The following CHD3 variants were observed in gnomAD, a reference collection of about 807,000 sequenced individuals.
CHD3 encodes chromodomain helicase DNA binding protein 3, also known as ATP-dependent chromatin remodeler CHD3.
In CHD3, 52 loss-of-function variants were observed where a neutral mutation model predicts 248.9. The observed-to-expected ratio is 0.21, with a 90% confidence interval of 0.17 to 0.26. The LOEUF (loss-of-function observed/expected upper bound fraction) is 0.26, where lower values mean the gene tolerates loss of function less well. Among genes scored for constraint, CHD3 ranks in the 10% least tolerant of loss-of-function variants. The pLI is 1.00. For missense variants in CHD3, 1,482 were observed against 2,605.8 expected (o/e 0.57, Z 9.39); for synonymous variants, 985 against 985.2 (o/e 1.00, Z 0.00).
At position 7,889,024 on chromosome 17, in the gene CHD3, C is replaced by G. The variant is rs1968428121; in HGVS notation, c.24C>G (p.Ile8Met). MKAADTV[I>M]LWARSKNDQL... ...TGATGAAGGCGGCAGACACTGTGATCCTGTGGGCAAGAAGTAAAAATGACC... is the reference window on the plus strand; with the variant it reads ...TGATGAAGGCGGCAGACACTGTGATGCTGTGGGCAAGAAGTAAAAATGACC... The change falls in exon 1 of 40, where the codon ATC becomes ATG. Residue 8 changes from isoleucine (I) to methionine (M), a missense_variant. By Grantham distance (10) the Ile-to-Met change is conservative. This residue lies in a region of CHD3 where 169 missense variants were observed against 168.1 expected (regional missense o/e 1.01). Coordinates refer to ENST00000330494, the MANE Select transcript of CHD3 (RefSeq NM_001005273.3). The surrounding 1 kb of genome is among the most constrained non-coding windows in gnomAD (Gnocchi z 4.5). The G allele has an allele frequency of 6.2e-7, 1 of 1,614,216 alleles. No homozygotes were observed. Among genetic ancestry groups the G allele is most frequent in the African/African-American group, 1.3e-5 (1 of 75,048 alleles).
chr17:7,904,766 T>A lies in CHD3; in HGVS notation c.4072+147T>A. ...AGGGAAAGACATAAGGTAGAGTCAT[T>A]AGGAACTACCCAGAGGCCAGGTGGG... On this transcript the variant is annotated intron_variant, in intron 25 of 39. Transcript: ENST00000330494. This position sits in a 1 kb window ranked among gnomAD's most constrained non-coding sequence, Gnocchi z 4.4. 2.4e-6 allele frequency: 2 copies of A among 834,484 alleles called. No individual in the cohort carries two copies. Among genetic ancestry groups the A allele is most frequent in the Non-Finnish European group, 3.7e-6 (2 of 546,550 alleles). 51.7% of individuals were successfully genotyped at this position (834,484 alleles called of 1,614,324 possible). A position where few individuals can be genotyped will look rare whatever the true frequency, so the allele number is the denominator to read the frequency against.
chr17:7,896,469 G>A (rs1436557868), intron 10 of CHD3, among the ~76,000 whole-genome samples: 1 of 148,508 alleles, frequency 6.7e-6, no homozygotes, highest in South Asian at 2.1e-4. Context: ...GCAGTGGCAC[G>A]ATCTTGGCTT....
Position 7,911,813 on chromosome 17 carries a change from GA to G in CHD3, c.*230del. ...GCCTTGAAGACTGTGCTGGTGAGAA[GA>G]AGTCTGGGTGGGAGATGGCTGGCAG... On this transcript the variant is annotated 3_prime_UTR_variant, in exon 40 of 40. Transcript: ENST00000330494. The surrounding 1 kb of genome is among the most constrained non-coding windows in gnomAD (Gnocchi z 5.4). 1 of 1,369,410 alleles carries G rather than the reference GA, an allele frequency of 7.3e-7. No individual in the cohort carries two copies. The highest frequency in any genetic ancestry group is 9.7e-7 in the Non-Finnish European group (1 of 1,027,364). 84.8% of individuals were successfully genotyped at this position (1,369,410 alleles called of 1,614,324 possible).
In CHD3 at chr17:7,909,479, C is replaced by A; in HGVS notation, c.5590+141C>A. The A allele has an allele frequency of 1.6e-6, 2 of 1,218,304 alleles. No homozygotes were observed. The highest frequency in any genetic ancestry group is 2.2e-6 in the Non-Finnish European group (2 of 905,836). The allele number at this position is 1,218,304 out of a possible 1,614,324, so 75.5% of individuals were successfully genotyped here. ...CTCTGACCTCTAACCCCACTCCTACCGACCTGGCACCCCCTTGGATTTTAG... is the reference window on the plus strand; with the variant it reads ...CTCTGACCTCTAACCCCACTCCTACAGACCTGGCACCCCCTTGGATTTTAG... On this transcript the variant is annotated intron_variant, in intron 37 of 39. Transcript: ENST00000330494. This position sits in a 1 kb window ranked among gnomAD's most constrained non-coding sequence, Gnocchi z 8.1.
At chr17:7,885,213 C>T, upstream of CHD3, 2 of 875,494 alleles carry the variant, frequency 2.3e-6, no homozygotes, top group Non-Finnish European at 2.7e-6. Context: ...GGGGCTCGGG[C>T]CCGTGGCCCC....
rs956786637 is a variant in CHD3, at chr17:7,900,672, T to C, written c.2919T>C (p.Phe973=). ...TGCGGAGACTCAAGGCAGATGTCTT[T>C]AAGAACATGCCAGCCAAGACAGAGC... ...HMLRRLKADV[F]KNMPAKTELI... is the part of the protein sequence containing the mutation. Residue 973 remains phenylalanine, a synonymous_variant, in exon 18 of 40, where the codon TTT becomes TTC. Transcript: ENST00000330494. The surrounding 1 kb of genome is among the most constrained non-coding windows in gnomAD (Gnocchi z 6.5). The C allele has an allele frequency of 6.2e-7, 1 of 1,614,098 alleles. No homozygotes were observed. The highest frequency in any genetic ancestry group is 8.5e-7 in the Non-Finnish European group (1 of 1,180,016).
chr17:7,889,851 C>A lies in CHD3; in HGVS notation c.213+75C>A. 7.2e-7 allele frequency: 1 copy of A among 1,391,118 alleles called. No individual in the cohort carries two copies. Among genetic ancestry groups the A allele is most frequent in the Non-Finnish European group, 1.0e-6 (1 of 1,001,938 alleles). 86.2% of individuals were successfully genotyped at this position (1,391,118 alleles called of 1,614,324 possible). A position where few individuals can be genotyped will look rare whatever the true frequency, so the allele number is the denominator to read the frequency against. On this transcript the variant is annotated intron_variant, in intron 2 of 39. Coordinates refer to ENST00000330494, the MANE Select transcript of CHD3 (RefSeq NM_001005273.3). The surrounding 1 kb of genome is among the most constrained non-coding windows in gnomAD (Gnocchi z 4.5). Reference sequence around the variant, plus strand: ...CTCAGAGACCTACATTTTCTCTGGTCCTGATTACTGGTGTGGGGGTGGGGT... The same window carrying A: ...CTCAGAGACCTACATTTTCTCTGGTACTGATTACTGGTGTGGGGGTGGGGT...
rs952251817 is a variant in CHD3, at chr17:7,889,334, G to A, written c.100+234G>A. ...CAGGATGCCAGCTGGCGAAGTGAGG[G>A]GGAAGGCAGGAGGAGCCCTGGCGGT... is the stretch of plus-strand genomic sequence containing the variant. On this transcript the variant is annotated intron_variant, in intron 1 of 39. Coordinates refer to ENST00000330494, the MANE Select transcript of CHD3 (RefSeq NM_001005273.3). This position sits in a 1 kb window ranked among gnomAD's most constrained non-coding sequence, Gnocchi z 4.5. Among the ~76,000 whole-genome samples, 3 of 152,268 alleles carry A rather than the reference G, an allele frequency of 2.0e-5. No individual in the cohort carries two copies. Among genetic ancestry groups the A allele is most frequent in the African/African-American group, 7.2e-5 (3 of 41,476 alleles).
chr17:7,901,045 G>C (rs896188343), intron 19 of CHD3, 52 bp downstream of exon 19: 16 of 1,592,466 alleles, frequency 1.0e-5, no homozygotes, highest in African/African-American at 1.3e-5. Context: ...AGAAAACATG[G>C]GTGGGGAGTA....
upstream of CHD3, chr17:7,888,721 G>C (rs1312757954): frequency 1.1e-6 from 1 of 871,686 alleles, no homozygotes; most frequent in South Asian, 2.4e-5. Flanking sequence ...AGTGTGTGTG[G>C]GTGTGGGTGC....
At chr17:7,890,885 G>A (rs1185400382) in intron 3 of CHD3, 55 bp from the exon 4 acceptor site, 4 of 1,609,734 alleles carry the variant, frequency 2.5e-6, no homozygotes, top group African/African-American at 2.7e-5. Context: ...GCCTGTGTGC[G>A]GCCTGGAATA....
chr17:7,904,855 C>A lies in CHD3; in HGVS notation c.4072+236C>A, dbSNP rs1352975506. 6.6e-6 allele frequency among the ~76,000 whole-genome samples: 1 copy of A among 152,108 alleles called. No individual in the cohort carries two copies. On this transcript the variant is annotated intron_variant, in intron 25 of 39. Transcript: ENST00000330494. The surrounding 1 kb of genome is among the most constrained non-coding windows in gnomAD (Gnocchi z 4.4). ...ATCCTGTGGACACCCAGGGCCATTG[C>A]TTAGAGTAGGTTTTGCAGGAGAAGC...
chr17:7,898,355 G>T, intron 12 of CHD3, 141 bp from the exon 13 acceptor site: 1 of 740,634 alleles, frequency 1.4e-6, no homozygotes. Flanking sequence ...AATCCAAAGG[G>T]CAAGGGTAAA....
rs1040286637 is a variant in CHD3, at chr17:7,911,279, A to G, written c.5882-185A>G. Among the ~76,000 whole-genome samples, 2 of 152,198 alleles carry G rather than the reference A, an allele frequency of 1.3e-5. No homozygotes were observed. The highest frequency in any genetic ancestry group is 1.3e-4 in the Admixed American group (2 of 15,286). On this transcript the variant is annotated intron_variant, in intron 39 of 39. Transcript: ENST00000330494. The surrounding 1 kb of genome is among the most constrained non-coding windows in gnomAD (Gnocchi z 5.4). ...ACCCGAGGGGTTAGAGAGTGGGAAC[A>G]TGTGTTCAATCATGTAGCACAAAGT...
At position 7,911,763 on chromosome 17, in the gene CHD3, C is replaced by T. The variant is rs1235114656; in HGVS notation, c.*178C>T. ...TCAAGAAGGGCCCTTTGTCTTTCTC[C>T]ACTCCCACACACCTTTCCCACCAAG... On this transcript the variant is annotated 3_prime_UTR_variant, in exon 40 of 40. Transcript: ENST00000330494. The surrounding 1 kb of genome is among the most constrained non-coding windows in gnomAD (Gnocchi z 5.4). 2 of 1,510,232 alleles carry T rather than the reference C, an allele frequency of 1.3e-6. No homozygotes were observed. The highest frequency in any genetic ancestry group is 1.4e-5 in the African/African-American group (1 of 72,090). 93.6% of individuals were successfully genotyped at this position (1,510,232 alleles called of 1,614,324 possible). A position where few individuals can be genotyped will look rare whatever the true frequency, so the allele number is the denominator to read the frequency against.
Position 7,906,492 on chromosome 17 carries a change from T to G in CHD3, c.4359-61T>G. On this transcript the variant is annotated intron_variant, in intron 28 of 39. Coordinates refer to ENST00000330494, the MANE Select transcript of CHD3 (RefSeq NM_001005273.3). The surrounding 1 kb of genome is among the most constrained non-coding windows in gnomAD (Gnocchi z 5.0). ...GTCCTCAGTCATCCTCGCGCCTCCC[T>G]CACTGCCCTATACCCCTTCTGTGGC... is the stretch of plus-strand genomic sequence containing the variant. 1 of 1,585,344 alleles carries G rather than the reference T, an allele frequency of 6.3e-7. No individual in the cohort carries two copies. Among genetic ancestry groups the G allele is most frequent in the Non-Finnish European group, 8.6e-7 (1 of 1,160,018 alleles).
rs1258492340 is a variant in CHD3 at position 7,911,146 on chromosome 17, C to T, written c.5881+173C>T. ...CCCCCACCCATCCCTTTCTTAACCC[C>T]TCTTCAGTCCCCTTTATTAAAAACC... is the stretch of plus-strand genomic sequence containing the variant. On this transcript the variant is annotated intron_variant, in intron 39 of 39. Coordinates refer to ENST00000330494, the MANE Select transcript of CHD3 (RefSeq NM_001005273.3). This position sits in a 1 kb window ranked among gnomAD's most constrained non-coding sequence, Gnocchi z 5.4. 6.6e-6 allele frequency among the ~76,000 whole-genome samples: 1 copy of T among 152,248 alleles called. No homozygotes were observed. Among genetic ancestry groups the T allele is most frequent in the African/African-American group, 2.4e-5 (1 of 41,470 alleles).
chr17:7,885,090 G>A (rs1313849494), upstream of CHD3: 3 of 974,780 alleles, frequency 3.1e-6, no homozygotes, highest in African/African-American at 1.8e-5. Flanking sequence ...CCAGGTAAGC[G>A]CCCGCCCCGA....
In CHD3 at chr17:7,889,681, C is replaced by T; in HGVS notation, c.118C>T (p.Leu40=). The T allele has an allele frequency of 6.2e-7, 1 of 1,612,854 alleles. No homozygotes were observed. The change falls in exon 2 of 40, where the codon CTG becomes TTG. Residue 40 remains leucine, a synonymous_variant. Coordinates refer to ENST00000330494, the MANE Select transcript of CHD3 (RefSeq NM_001005273.3). The surrounding 1 kb of genome is among the most constrained non-coding windows in gnomAD (Gnocchi z 4.5). The part of the protein sequence containing the change: ...DRMPDKDDIR[L]LPSALGVKKR... ...CTTCAAAGATAAGGATGACATTCGGCTGCTGCCGTCAGCATTGGGTGTGAA... is the reference window on the plus strand; with the variant it reads ...CTTCAAAGATAAGGATGACATTCGGTTGCTGCCGTCAGCATTGGGTGTGAA...
Sources: allele counts gnomAD v4.1 joint callset (sites outside exome capture counted in the v4.1 genomes callset), GRCh38; gene constraint gnomAD v4.1.1; regional missense constraint gnomAD v4.1.1; non-coding constraint Gnocchi (gnomAD v3.1); transcripts MANE v1.5; gene names NCBI Gene and HGNC (gene_info 2026-07-23, HGNC 2026-07-21).